The following MYO1B variants were observed in gnomAD, a reference collection of about 807,000 sequenced individuals.
The protein encoded by MYO1B is unconventional myosin-Ib.
MYO1B carries 72 observed loss-of-function variants against 159.7 expected under a neutral mutation model. That is an observed-to-expected ratio of 0.45 (90% CI 0.37 to 0.55). The LOEUF (loss-of-function observed/expected upper bound fraction) is 0.55. Ranked by LOEUF, MYO1B falls within the 20% of genes least tolerant of loss-of-function variation. MYO1B has a pLI of 0.00. For synonymous variants in MYO1B, 468 were observed against 473.8 expected, an observed-to-expected ratio of 0.99 and a Z score of 0.16; for missense variants, 1,062 against 1,364.8, an observed-to-expected ratio of 0.78 and a Z score of 3.50.
intron 7 of MYO1B, among the ~76,000 whole-genome samples, chr2:191,356,153 G>A (rs1411458942): frequency 6.6e-6 from 1 of 152,108 alleles, no homozygotes; most frequent in Non-Finnish European, 1.5e-5. Flanking sequence ...AGGAATCTCT[G>A]ATCAGTTTTC....
At chr2:191,380,112 G>A (rs1400160038) in intron 13 of MYO1B, among the ~76,000 whole-genome samples, 1 of 152,192 alleles carries the variant, frequency 6.6e-6, no homozygotes, top group African/African-American at 2.4e-5. Context: ...TTATTTATGA[G>A]TTTGAGTTTA....
intron 6 of MYO1B, among the ~76,000 whole-genome samples, chr2:191,349,179 G>C (rs747029867): frequency 6.6e-6 from 1 of 152,150 alleles, no homozygotes; most frequent in African/African-American, 2.4e-5. Flanking sequence ...TTTCGCTTGT[G>C]CCTACTTCAG....
At chr2:191,401,221 T>A (rs1487408058) in intron 23 of MYO1B, among the ~76,000 whole-genome samples, 1 of 152,194 alleles carries the variant, frequency 6.6e-6, no homozygotes. Flanking sequence ...TCAGTCGGTC[T>A]TCTGCAACAT....
At chr2:191,327,484 GA>G (rs1302177593) in intron 3 of MYO1B, among the ~76,000 whole-genome samples, 1 of 152,228 alleles carries the variant, frequency 6.6e-6, no homozygotes, top group African/African-American at 2.4e-5. Flanking sequence ...CTCCATGTTG[GA>G]GATGAAGACA....
At position 191,414,101 on chromosome 2, in the gene MYO1B, A is replaced by G. The variant is rs2356643; in HGVS notation, c.2927A>G (p.Tyr976Cys). ...AYLEINKNPK[Y>C]KKLKDAIEEK... is the part of the protein sequence containing the mutation. ...CTGGAAATCAACAAGAACCCCAAGT[A>G]TAAGAAACTCAAAGATGCCATTGAA... Residue 976 changes from tyrosine (Y) to cysteine (C), a missense_variant, in exon 28 of 31, where the codon TAT becomes TGT. Around this residue, in one of 5 missense-constraint regions of MYO1B, gnomAD observed 609 missense variants for 744.4 expected, o/e 0.82. Coordinates refer to ENST00000392318, the MANE Select transcript of MYO1B (RefSeq NM_001130158.3). The G allele has an allele frequency of 6.2e-7, 1 of 1,613,654 alleles. No homozygotes were observed. Among genetic ancestry groups the G allele is most frequent in the South Asian group, 1.1e-5 (1 of 90,956 alleles).
At chr2:191,363,251 C>G (rs573821937) in intron 9 of MYO1B, among the ~76,000 whole-genome samples, 1 of 152,138 alleles carries the variant, frequency 6.6e-6, no homozygotes, top group Non-Finnish European at 1.5e-5. Flanking sequence ...TTGCCTGGCA[C>G]GTAATTGGCA....
intron 5 of MYO1B, among the ~76,000 whole-genome samples, chr2:191,342,934 C>T (rs976153487): frequency 6.6e-6 from 1 of 152,032 alleles, no homozygotes. Flanking sequence ...ATATTGTAAG[C>T]ATGTCTTTAC....
intron 13 of MYO1B, among the ~76,000 whole-genome samples, chr2:191,371,894 T>G (rs6748674): frequency 0.091 from 13,860 of 152,220 alleles, 1,782 homozygotes; most frequent in African/African-American, 0.28. Flanking sequence ...TGCTGCCCAT[T>G]TAGCAGAATC....
chr2:191,330,463 C>T (rs1691397758), intron 4 of MYO1B, among the ~76,000 whole-genome samples: 1 of 152,192 alleles, frequency 6.6e-6, no homozygotes, highest in Non-Finnish European at 1.5e-5. Flanking sequence ...AAGAGTTTTC[C>T]TCTGAAGCCT....
chr2:191,417,172 C>T (rs965381718), intron 30 of MYO1B, among the ~76,000 whole-genome samples: 2 of 152,170 alleles, frequency 1.3e-5, no homozygotes, highest in Admixed American at 1.3e-4. Flanking sequence ...AATTTACACC[C>T]ATTTCTGCCC....
At chr2:191,323,406 T>TA (rs768336888) in intron 3 of MYO1B, among the ~76,000 whole-genome samples, 5 of 152,170 alleles carry the variant, frequency 3.3e-5, no homozygotes, top group Non-Finnish European at 7.4e-5. Context: ...GAAGGTGTCT[T>TA]ACACAGGGAT....
chr2:191,382,054 CAGA>C (rs1484663561), intron 14 of MYO1B, among the ~76,000 whole-genome samples: 10 of 151,812 alleles, frequency 6.6e-5, no homozygotes, highest in African/African-American at 2.2e-4. Context: ...TTAAAATAAC[CAGA>C]AGTAGTGTTT....
chr2:191,250,765 C>G (rs1686061940), intron 1 of MYO1B, among the ~76,000 whole-genome samples: 1 of 152,154 alleles, frequency 6.6e-6, no homozygotes, highest in African/African-American at 2.4e-5. Flanking sequence ...GCCCAGAGGT[C>G]AAGCCTCAAA....
chr2:191,263,899 T>A (rs1237092165), intron 1 of MYO1B, among the ~76,000 whole-genome samples: 3 of 152,150 alleles, frequency 2.0e-5, no homozygotes, highest in Non-Finnish European at 4.4e-5. Context: ...TAAACAAAAA[T>A]TTCAGTAAAC....
At chr2:191,290,292 G>A (rs1688619301) in intron 2 of MYO1B, among the ~76,000 whole-genome samples, 1 of 152,108 alleles carries the variant, frequency 6.6e-6, no homozygotes, top group Admixed American at 6.5e-5. Context: ...CTTGCAGAGG[G>A]AGTCTTAACC....
intron 26 of MYO1B, 120 bp from the exon 27 acceptor site, chr2:191,410,946 G>T: frequency 1.7e-6 from 1 of 593,110 alleles, no homozygotes; most frequent in Non-Finnish European, 2.8e-6. Context: ...CTTTTTTAGT[G>T]AATGTTTTGT....
intron 3 of MYO1B, among the ~76,000 whole-genome samples, chr2:191,326,050 C>T (rs971721086): frequency 6.6e-6 from 1 of 152,124 alleles, no homozygotes; most frequent in African/African-American, 2.4e-5. Context: ...TAAAACCATG[C>T]CCTTAATGTG....
At chr2:191,423,235 A>G (rs1022009339) in intron 30 of MYO1B, among the ~76,000 whole-genome samples, 1 of 152,252 alleles carries the variant, frequency 6.6e-6, no homozygotes, top group Non-Finnish European at 1.5e-5. Flanking sequence ...GCTGTATATT[A>G]TAGTATAGCC....
chr2:191,317,218 A>G (rs1197899701), intron 3 of MYO1B, among the ~76,000 whole-genome samples: 1 of 152,028 alleles, frequency 6.6e-6, no homozygotes, highest in Non-Finnish European at 1.5e-5. Context: ...GATTGTAGGC[A>G]CTGGATACAT....
Sources: gnomAD v4.1 joint callset for allele counts (sites outside exome capture counted in the v4.1 genomes callset) on GRCh38, gnomAD v4.1.1 for gene constraint, gnomAD v4.1.1 regional missense constraint, MANE v1.5 for transcripts, NCBI Gene and HGNC (gene_info 2026-07-23, HGNC 2026-07-21) for gene names.